RAB31: variants seen among roughly 807,000 people sequenced by gnomAD.
RAB31 encodes the protein ras-related protein Rab-31.
In RAB31, 21 loss-of-function variants were observed where a neutral mutation model predicts 25.6. That is an observed-to-expected ratio of 0.82 (90% CI 0.58 to 1.18). The LOEUF (loss-of-function observed/expected upper bound fraction) is 1.18. RAB31 is among the 50% of genes most tolerant of loss of function. The pLI is 0.00. For synonymous variants in RAB31, 87 were observed against 84.0 expected (o/e 1.04, Z -0.20); for missense variants, 196 against 250.1 (o/e 0.78, Z 1.46).
intron 1 of RAB31, among the ~76,000 whole-genome samples, chr18:9,748,040 A>G (rs1216028759): frequency 4.6e-5 from 7 of 152,208 alleles, no homozygotes; most frequent in Non-Finnish European, 1.0e-4. Context: ...GATTATGCAC[A>G]ATTTCGATGA....
chr18:9,812,042 C>G (rs1309674586), intron 3 of RAB31, among the ~76,000 whole-genome samples: 1 of 152,198 alleles, frequency 6.6e-6, no homozygotes, highest in Non-Finnish European at 1.5e-5. Context: ...TTCTGGTATG[C>G]AGATACTCGC....
intron 1 of RAB31, among the ~76,000 whole-genome samples, chr18:9,774,077 G>C (rs1323374839): frequency 6.6e-6 from 1 of 152,154 alleles, no homozygotes; most frequent in Non-Finnish European, 1.5e-5. Context: ...GTATTTCTTA[G>C]TGAGTGATTA....
chr18:9,749,652 G>C (rs1260611844), intron 1 of RAB31, among the ~76,000 whole-genome samples: 2 of 152,194 alleles, frequency 1.3e-5, no homozygotes, highest in Non-Finnish European at 2.9e-5. Context: ...AAAAGAAAAG[G>C]AAGAACCAAG....
chr18:9,747,201 C>T (rs1260468183), intron 1 of RAB31, among the ~76,000 whole-genome samples: 1 of 152,134 alleles, frequency 6.6e-6, no homozygotes, highest in African/African-American at 2.4e-5. Flanking sequence ...AGATTAAAAC[C>T]ACAGTAAAAT....
chr18:9,828,372 A>G (rs1195501167), intron 5 of RAB31, among the ~76,000 whole-genome samples: 1 of 152,092 alleles, frequency 6.6e-6, no homozygotes, highest in African/African-American at 2.4e-5. Flanking sequence ...TCGGGTAGTC[A>G]CTACCAGTTA....
chr18:9,796,351 A>G (rs1223766180), intron 3 of RAB31, among the ~76,000 whole-genome samples: 1 of 152,184 alleles, frequency 6.6e-6, no homozygotes, highest in Non-Finnish European at 1.5e-5. Context: ...GTAAGCAAAC[A>G]CCACCCATTC....
At chr18:9,807,858 G>A (rs752055459) in intron 3 of RAB31, among the ~76,000 whole-genome samples, 1 of 152,066 alleles carries the variant, frequency 6.6e-6, no homozygotes, top group Non-Finnish European at 1.5e-5. Flanking sequence ...CACACCTGTA[G>A]TCCCAGGTAC....
intron 1 of RAB31, among the ~76,000 whole-genome samples, chr18:9,746,718 T>A (rs1264164921): frequency 6.6e-5 from 10 of 152,162 alleles, no homozygotes; most frequent in Non-Finnish European, 1.5e-5. Context: ...ATCCACATGT[T>A]TAAGTTTAAT....
intron 5 of RAB31, among the ~76,000 whole-genome samples, chr18:9,834,748 C>G (rs2068695886): frequency 6.6e-6 from 1 of 152,200 alleles, no homozygotes; most frequent in Admixed American, 6.5e-5. Flanking sequence ...AAGCCATCAG[C>G]TACTGAGTGA....
intron 3 of RAB31, among the ~76,000 whole-genome samples, chr18:9,813,477 C>T (rs2068585351): frequency 6.6e-6 from 1 of 152,162 alleles, no homozygotes; most frequent in Non-Finnish European, 1.5e-5. Context: ...TTGTTTTTGG[C>T]CTTTACCCAA....
intron 1 of RAB31, among the ~76,000 whole-genome samples, chr18:9,774,208 C>T (rs76574445): frequency 0.04 from 6,050 of 152,084 alleles, 436 homozygotes; most frequent in African/African-American, 0.14. Flanking sequence ...CTTTTTTTCT[C>T]CTACCTAAAG....
At position 9,841,711 on chromosome 18, in the gene RAB31, G is replaced by A. The variant is rs79054153; in HGVS notation, c.381-3871G>A. Among the ~76,000 whole-genome samples, 762 of 152,206 alleles carry A rather than the reference G, an allele frequency of 5.0e-3. 4 individuals carry two copies. Among genetic ancestry groups the A allele is most frequent in the African/African-American group, 0.017 (688 of 41,526 alleles). On this transcript the variant is annotated intron_variant, in intron 5 of 6. Transcript: ENST00000578921. Reference sequence around the variant, plus strand: ...AACAAGGAACAGTAGCCTGCTAGTCGTTTCAAAGATACTTTTCTTGGGGGA... The same window carrying A: ...AACAAGGAACAGTAGCCTGCTAGTCATTTCAAAGATACTTTTCTTGGGGGA...
chr18:9,792,720 T>G (rs1325346871), intron 3 of RAB31, among the ~76,000 whole-genome samples: 12 of 152,152 alleles, frequency 7.9e-5, no homozygotes, highest in Admixed American at 7.9e-4. Flanking sequence ...ACTCCTGAAC[T>G]TCAGGTGGTA....
At chr18:9,752,233 A>T (rs371014499) in intron 1 of RAB31, among the ~76,000 whole-genome samples, 359 of 150,778 alleles carry the variant, frequency 2.4e-3, no homozygotes, top group African/African-American at 8.1e-3. Context: ...TTATTTATTT[A>T]TTTTTTTTTG....
chr18:9,831,845 G>T (rs1357223717), intron 5 of RAB31, among the ~76,000 whole-genome samples: 1 of 152,230 alleles, frequency 6.6e-6, no homozygotes, highest in Non-Finnish European at 1.5e-5. Flanking sequence ...TACCCTGGGT[G>T]GTGGGCCCTT....
At chr18:9,720,539 G>A (rs544669932) in intron 1 of RAB31, among the ~76,000 whole-genome samples, 11 of 152,212 alleles carry the variant, frequency 7.2e-5, no homozygotes, top group Admixed American at 3.3e-4. Flanking sequence ...CGGAGGGGGC[G>A]TGTCTGGGAG....
Position 9,767,330 on chromosome 18 carries a change from T to C in RAB31, c.40-7948T>C, listed in dbSNP as rs1282629147. Among the ~76,000 whole-genome samples, 3 of 152,246 alleles carry C rather than the reference T, an allele frequency of 2.0e-5. No individual in the cohort carries two copies. In the East Asian group the frequency reaches 5.8e-4, roughly 29 times the overall value. On this transcript the variant is annotated intron_variant, in intron 1 of 6. Transcript: ENST00000578921. The stretch of plus-strand genomic sequence containing the variant: ...GGAATCCCTGAGTTGATGGGTCTTG[T>C]TAGTGTTATTTCCTGTCCATAAGAA...
At chr18:9,812,140 G>A (rs747403613) in intron 3 of RAB31, among the ~76,000 whole-genome samples, 4 of 152,164 alleles carry the variant, frequency 2.6e-5, no homozygotes, top group Non-Finnish European at 4.4e-5. Context: ...AATCCCATCT[G>A]TGACCTCATC....
chr18:9,849,378 G>A lies in RAB31; in HGVS notation c.490+3687G>A, dbSNP rs565103407. Among the ~76,000 whole-genome samples, 22 of 152,244 alleles carry A rather than the reference G, an allele frequency of 1.4e-4. No individual in the cohort carries two copies. The South Asian group carries it at 3.9e-3, about 27-fold the overall frequency. On this transcript the variant is annotated intron_variant, in intron 6 of 6. Coordinates refer to ENST00000578921, the MANE Select transcript of RAB31 (RefSeq NM_006868.4). ...TTCGGGGCTTTGAATTTGGATCTCCGTCCTCATCTCATGATATAAAGTGAA... is the reference window on the plus strand; with the variant it reads ...TTCGGGGCTTTGAATTTGGATCTCCATCCTCATCTCATGATATAAAGTGAA...
Sources: allele counts gnomAD v4.1 joint callset (sites outside exome capture counted in the v4.1 genomes callset), GRCh38; gene constraint gnomAD v4.1.1; transcripts MANE v1.5; gene names NCBI Gene and HGNC (gene_info 2026-07-23, HGNC 2026-07-21).